DNAH2: variants seen among roughly 807,000 people sequenced by gnomAD.
DNAH2 encodes the protein axonemal beta dynein heavy chain 2.
In DNAH2, 323 loss-of-function variants were observed where a neutral mutation model predicts 523.5. That is an observed-to-expected ratio of 0.62 (90% CI 0.56 to 0.68). DNAH2 has a LOEUF of 0.68. Ranked by LOEUF, DNAH2 falls within the 30% of genes least tolerant of loss-of-function variation. The pLI is 0.00. For synonymous variants in DNAH2, 2,093 were observed against 2,177.4 expected (o/e 0.96, Z 1.08); for missense variants, 4,907 against 5,701.5 (o/e 0.86, Z 4.49).
intron 21 of DNAH2, among the ~76,000 whole-genome samples, chr17:7,765,818 A>G (rs1361386143): frequency 6.6e-6 from 1 of 151,316 alleles, no homozygotes; most frequent in Non-Finnish European, 1.5e-5. Context: ...TCGCTCTGTC[A>G]CCAGGCTGGA....
chr17:7,780,710 G>C lies in DNAH2; in HGVS notation c.5931G>C (p.Leu1977=), dbSNP rs1267668716. 1 of 1,614,232 alleles carries C rather than the reference G, an allele frequency of 6.2e-7. No individual in the cohort carries two copies. The highest frequency in any genetic ancestry group is 8.5e-7 in the Non-Finnish European group (1 of 1,180,046). Residue 1977 remains leucine (L), a synonymous_variant, in exon 38 of 86, where the codon CTG becomes CTC. Transcript: ENST00000572933. The surrounding 1 kb of genome is among the most constrained non-coding windows in gnomAD (Gnocchi z 4.4). ...LSRQDHYDFG[L]RALTSLLRYA... ...GACAGGACCACTATGACTTTGGCCT[G>C]CGTGCCCTCACCTCCCTTCTGCGCT...
In DNAH2 at chr17:7,828,764, C is replaced by T. The variant is rs548016780; in HGVS notation, c.11854-1536C>T. Among the ~76,000 whole-genome samples the T allele has an allele frequency of 1.4e-3, 206 of 151,978 alleles. 1 individual carries two copies. Among genetic ancestry groups the T allele is most frequent in the African/African-American group, 4.1e-3 (168 of 41,370 alleles). On this transcript the variant is annotated intron_variant, in intron 77 of 85. Transcript: ENST00000572933. This position sits in a 1 kb window ranked among gnomAD's most constrained non-coding sequence, Gnocchi z 4.1. ...TGGCCTAAAATTCTGTAATTTTCTCCGTAAATAATCATACATTTTAATTGG... is the reference window on the plus strand; with the variant it reads ...TGGCCTAAAATTCTGTAATTTTCTCTGTAAATAATCATACATTTTAATTGG...
intron 63 of DNAH2, among the ~76,000 whole-genome samples, chr17:7,810,200 C>T (rs2077475440): frequency 6.6e-6 from 1 of 151,148 alleles, no homozygotes; most frequent in Non-Finnish European, 1.5e-5. Context: ...AGTAGCTGGG[C>T]CTACAGGCAC....
In DNAH2 at chr17:7,817,911, C is replaced by T. The variant is rs200589739; in HGVS notation, c.10237-35C>T. 245 of 1,613,886 alleles carry T rather than the reference C, an allele frequency of 1.5e-4. 1 individual carries two copies. Among genetic ancestry groups the T allele is most frequent in the Non-Finnish European group, 1.8e-4 (208 of 1,179,998 alleles). ...CCCCTTCCTGAGGCCCCACCTCTCC[C>T]GTAGTGTTCCTTCACCTTCCCCCTT... On this transcript the variant is annotated intron_variant, in intron 67 of 85. Transcript: ENST00000572933.
intron 21 of DNAH2, among the ~76,000 whole-genome samples, chr17:7,766,099 C>G (rs748571771): frequency 6.6e-6 from 1 of 152,148 alleles, no homozygotes; most frequent in Middle Eastern, 3.4e-3. Flanking sequence ...TTTCTTATCC[C>G]GACTTCCATA....
Position 7,779,304 on chromosome 17 carries a change from T to TG in DNAH2, c.5605dup (p.Ala1869GlyfsTer21). On this transcript the variant is annotated frameshift_variant, in exon 36 of 86. Coordinates refer to ENST00000572933, the MANE Select transcript of DNAH2 (RefSeq NM_020877.5). LOFTEE classifies it high-confidence loss of function. ...ATCAACATCGAGGTGCTGTCAGTGG[T>TG]GGCCCACCAGATCCTGTGCATCCTG... 6.2e-7 allele frequency: 1 copy of TG among 1,614,156 alleles called. No individual in the cohort carries two copies. Among genetic ancestry groups the TG allele is most frequent in the Non-Finnish European group, 8.5e-7 (1 of 1,180,022 alleles).
chr17:7,729,741 G>A (rs1273198105), intron 4 of DNAH2, among the ~76,000 whole-genome samples: 1 of 152,138 alleles, frequency 6.6e-6, no homozygotes, highest in Admixed American at 6.6e-5. Context: ...GAGCCGAGGT[G>A]TTTTAACAAA....
At position 7,824,594 on chromosome 17, in the gene DNAH2, A is replaced by G. The variant is rs747546464; in HGVS notation, c.11720A>G (p.Asp3907Gly). The G allele has an allele frequency of 1.2e-6, 2 of 1,604,688 alleles. No homozygotes were observed. Among genetic ancestry groups the G allele is most frequent in the South Asian group, 2.2e-5 (2 of 90,364 alleles). Residue 3907 changes from aspartate to glycine, a missense_variant, in exon 77 of 86, where the codon GAC (aspartate) becomes GGC (glycine). Asp to Gly is a moderately conservative substitution (Grantham distance 94). This residue lies in a region of DNAH2 where 1,851 missense variants were observed against 2,139.4 expected (regional missense o/e 0.87). Coordinates refer to ENST00000572933, the MANE Select transcript of DNAH2 (RefSeq NM_020877.5). Reference sequence around the variant, plus strand: ...TCACTGTCTTGGATGCCTAATCTGGACAAGCTGGTGGAGCAGCTGCAGGTG... The same window carrying G: ...TCACTGTCTTGGATGCCTAATCTGGGCAAGCTGGTGGAGCAGCTGCAGGTG... ...HLSLSWMPNL[D>G]KLVEQLQVED...
chr17:7,729,889 C>T (rs1245682466), intron 4 of DNAH2, among the ~76,000 whole-genome samples: 2 of 152,194 alleles, frequency 1.3e-5, no homozygotes, highest in African/African-American at 4.8e-5. Flanking sequence ...ATAAACTGGT[C>T]TCTCACAGTG....
chr17:7,755,808 CTT>C (rs57342823), intron 12 of DNAH2, among the ~76,000 whole-genome samples: 6 of 145,388 alleles, frequency 4.1e-5, no homozygotes, highest in African/African-American at 2.5e-5. Flanking sequence ...CCTGGTATCT[CTT>C]TTTTTTTTTT....
intron 50 of DNAH2, among the ~76,000 whole-genome samples, chr17:7,796,935 CAAAA>C (rs370280901): frequency 1.7e-5 from 2 of 116,160 alleles, no homozygotes; most frequent in Non-Finnish European, 3.5e-5. Context: ...ATTAAAAATA[CAAAA>C]AAAAAAAAAA....
At position 7,799,112 on chromosome 17, in the gene DNAH2, C is replaced by T; in HGVS notation, c.8569C>T (p.His2857Tyr). 6.2e-7 allele frequency: 1 copy of T among 1,614,158 alleles called. No homozygotes were observed. Among genetic ancestry groups the T allele is most frequent in the African/African-American group, 1.3e-5 (1 of 75,068 alleles). The change falls in exon 56 of 86, where the codon CAT becomes TAT. Residue 2857 changes from histidine to tyrosine, a missense_variant. Physicochemically the swap from His to Tyr is moderately conservative, Grantham distance 83. Around this residue, in one of 3 missense-constraint regions of DNAH2, gnomAD observed 1,851 missense variants for 2,139.4 expected, o/e 0.87. Transcript: ENST00000572933. The stretch of plus-strand genomic sequence containing the variant: ...GGTGGCTTCTGTCCAGATCCAGTCG[C>T]ATATCATAGACCAGGCCCGGGTGGA... ...KPDEFEEIQS[H>Y]IIDQARVEQV...
rs1479464005 is a variant in DNAH2, at chr17:7,831,725, G to A, written c.12676G>A (p.Glu4226Lys). 6.2e-7 allele frequency: 1 copy of A among 1,614,184 alleles called. No individual in the cohort carries two copies. Among genetic ancestry groups the A allele is most frequent in the Admixed American group, 1.7e-5 (1 of 60,020 alleles). The change falls in exon 82 of 86, where the codon GAG becomes AAG. Residue 4226 changes from glutamate (E) to lysine (K), a missense_variant. This residue lies in a region of DNAH2 where 1,851 missense variants were observed against 2,139.4 expected (regional missense o/e 0.87). Coordinates refer to ENST00000572933, the MANE Select transcript of DNAH2 (RefSeq NM_020877.5). The surrounding 1 kb of genome is among the most constrained non-coding windows in gnomAD (Gnocchi z 4.2). ...GLIVMSTSLE[E>K]IFNCIFDAHV... ...CATCGTCATGTCTACAAGCCTGGAA[G>A]AGATTTTCAATTGCATCTTTGATGC...
chr17:7,783,475 A>G (rs2076656269), intron 39 of DNAH2, among the ~76,000 whole-genome samples: 1 of 152,202 alleles, frequency 6.6e-6, no homozygotes, highest in Non-Finnish European at 1.5e-5. Flanking sequence ...AGATAAGCAC[A>G]TTAAAAACTA....
chr17:7,801,195 G>A (rs2077213253), intron 56 of DNAH2, among the ~76,000 whole-genome samples: 1 of 152,032 alleles, frequency 6.6e-6, no homozygotes. Flanking sequence ...TTTAATGTTT[G>A]TGATACACGG....
chr17:7,753,523 T>C (rs1412126422), intron 12 of DNAH2, among the ~76,000 whole-genome samples: 1 of 152,152 alleles, frequency 6.6e-6, no homozygotes. Context: ...CCTAGCTGAA[T>C]GATATTTACA....
intron 77 of DNAH2, among the ~76,000 whole-genome samples, chr17:7,825,092 C>T (rs1346580833): frequency 6.6e-6 from 1 of 152,098 alleles, no homozygotes; most frequent in Non-Finnish European, 1.5e-5. Flanking sequence ...GTTGGGTCCC[C>T]AAATTCATTC....
Position 7,770,593 on chromosome 17 carries a change from C to A in DNAH2, c.4135C>A (p.Gln1379Lys), listed in dbSNP as rs111386952. 3.7e-6 allele frequency: 6 copies of A among 1,614,040 alleles called. No homozygotes were observed. In the African/African-American group the frequency reaches 5.3e-5, roughly 14 times the overall value. The change falls in exon 26 of 86, where the codon CAG (glutamine) becomes AAG (lysine). Residue 1379 changes from glutamine (Q) to lysine (K), a missense_variant. Gln to Lys is a moderately conservative substitution (Grantham distance 53). This residue lies in a region of DNAH2 where 2,806 missense variants were observed against 3,190.8 expected (regional missense o/e 0.88). Transcript: ENST00000572933. ...QNIAKTWDVT[Q>K]LDIVPYKDKG... is the part of the protein sequence containing the mutation. The stretch of plus-strand genomic sequence containing the variant: ...CATTGCCAAGACCTGGGATGTGACT[C>A]AGCTCGACATAGTACCCTACAAGGA...
chr17:7,792,910 G>A lies in DNAH2; in HGVS notation c.7344+55G>A, dbSNP rs2076939303. ...CGGCTCCCTTGGGATCCAAGTGCCT[G>A]CCTGACCCTCCTCTCTAAGCCCGTA... On this transcript the variant is annotated intron_variant, in intron 47 of 85. Transcript: ENST00000572933. 4 of 1,603,854 alleles carry A rather than the reference G, an allele frequency of 2.5e-6. No homozygotes were observed. The Admixed American group carries it at 5.0e-5, about 20-fold the overall frequency.
Sources: allele counts gnomAD v4.1 joint callset (sites outside exome capture counted in the v4.1 genomes callset), GRCh38; gene constraint gnomAD v4.1.1; regional missense constraint gnomAD v4.1.1; non-coding constraint Gnocchi (gnomAD v3.1); transcripts MANE v1.5; gene names NCBI Gene and HGNC (gene_info 2026-07-23, HGNC 2026-07-21).